The following AMY2B variants were observed in gnomAD, a reference collection of about 807,000 sequenced individuals.
The protein encoded by AMY2B is amylase alpha 2B.
AMY2B carries 63 observed loss-of-function variants against 59.3 expected under a neutral mutation model. The observed-to-expected ratio is 1.06, with a 90% CI of 0.87 to 1.31. The LOEUF is 1.31. AMY2B is among the 50% of genes most tolerant of loss of function. The pLI is 0.00. For missense variants in AMY2B, 635 were observed against 626.7 expected (o/e 1.01, Z -0.14); for synonymous variants, 180 against 198.1 (o/e 0.91, Z 0.77).
chr1:103,574,931 A>G (rs1049142368), intron 5 of AMY2B, among the ~76,000 whole-genome samples: 3 of 151,322 alleles, frequency 2.0e-5, no homozygotes, highest in Non-Finnish European at 4.4e-5. Context: ...AAAATCTTAT[A>G]TTTGTAATAT....
intron 7 of AMY2B, chr1:103,575,906 A>G (rs1360230053): frequency 1.1e-5 from 2 of 186,534 alleles, no homozygotes; most frequent in Non-Finnish European, 2.2e-5. Context: ...TTAAAACATC[A>G]TCTGCCCACA....
chr1:103,573,795 C>G lies in AMY2B; in HGVS notation c.601C>G (p.Leu201Val), dbSNP rs1303118914. 6.2e-7 allele frequency: 1 copy of G among 1,613,854 alleles called. No homozygotes were observed. Among genetic ancestry groups the G allele is most frequent in the Non-Finnish European group, 8.5e-7 (1 of 1,179,784 alleles). ...CAAGATTGCCGAATATATGAATCAT[C>G]TCATTGACATTGGTGTTGCAGGGTT... Reference protein sequence around the residue: ...RSKIAEYMNHLIDIGVAGFRL... With the variant: ...RSKIAEYMNHVIDIGVAGFRL... The change falls in exon 4 of 10, where the codon CTC becomes GTC. Residue 201 changes from leucine (L) to valine (V), a missense_variant. Coordinates refer to ENST00000684275, the MANE Select transcript of AMY2B (RefSeq NM_001387437.1).
intron 9 of AMY2B, among the ~76,000 whole-genome samples, chr1:103,578,280 G>A (rs1466610935): frequency 6.6e-6 from 1 of 152,070 alleles, no homozygotes; most frequent in Non-Finnish European, 1.5e-5. Context: ...GCTCTATGTA[G>A]TTTTTTGGTA....
rs775485072 is a variant in AMY2B at position 103,574,421 on chromosome 1, G to A, written c.878+28G>A. 14 of 1,609,658 alleles carry A rather than the reference G, an allele frequency of 8.7e-6. No homozygotes were observed. In the African/African-American group the frequency reaches 1.1e-4, roughly 12 times the overall value. On this transcript the variant is annotated intron_variant, in intron 5 of 9. Coordinates refer to ENST00000684275, the MANE Select transcript of AMY2B (RefSeq NM_001387437.1). ...AAATAAATACAACTTTTCCCCTGAA[G>A]TATTTCATAGATTTATTAGTCATAG...
intron 5 of AMY2B, 22 bp downstream of exon 5, chr1:103,574,415 C>T: frequency 6.2e-7 from 1 of 1,610,142 alleles, no homozygotes; most frequent in Non-Finnish European, 8.5e-7. Context: ...CAACTTTTCC[C>T]CTGAAGTATT....
At chr1:103,577,959 A>G (rs113763571) in intron 9 of AMY2B, 114 bp downstream of exon 9, 3 of 1,553,666 alleles carry the variant, frequency 1.9e-6, no homozygotes, top group Non-Finnish European at 2.6e-6. Flanking sequence ...TCAGTGGAGC[A>G]AGAAGACAAT....
At chr1:103,570,795 T>C, upstream of AMY2B, 1 of 459,684 alleles carries the variant, frequency 2.2e-6, no homozygotes, top group Admixed American at 2.5e-5. Context: ...CCTTAGAAAA[T>C]AAGTTGTCTT....
At chr1:103,575,623 T>C in intron 7 of AMY2B, 83 bp downstream of exon 7, 1 of 1,559,078 alleles carries the variant, frequency 6.4e-7, no homozygotes, top group Non-Finnish European at 8.7e-7. Flanking sequence ...CAACTATTAA[T>C]TATATATTCA....
intron 1 of AMY2B, among the ~76,000 whole-genome samples, chr1:103,561,256 T>C (rs908146506): frequency 6.6e-6 from 1 of 152,138 alleles, no homozygotes; most frequent in Non-Finnish European, 1.5e-5. Context: ...TGCATGGAGT[T>C]AATTTTTTTT....
Position 103,573,758 on chromosome 1 carries a change from T to A in AMY2B, c.564T>A (p.Asp188Glu), listed in dbSNP as rs1652231763. 2.5e-6 allele frequency: 4 copies of A among 1,613,798 alleles called. No homozygotes were observed. The highest frequency in any genetic ancestry group is 3.4e-6 in the Non-Finnish European group (4 of 1,179,758). The change falls in exon 4 of 10, where the codon GAT (aspartate) becomes GAA (glutamate). Residue 188 changes from aspartate (D) to glutamate (E), a missense_variant. Physicochemically the swap from Asp to Glu is conservative, Grantham distance 45 (BLOSUM62 2). Transcript: ENST00000684275. ...TTCTTGATCTTGCACTGGAGAAAGA[T>A]TATGTGCGTTCCAAGATTGCCGAAT... is the stretch of plus-strand genomic sequence containing the variant. ...VGLLDLALEKDYVRSKIAEYM... is the reference protein window; with the variant it reads ...VGLLDLALEKEYVRSKIAEYM...
At chr1:103,567,982 C>G (rs1651967352), upstream of AMY2B, among the ~76,000 whole-genome samples, 2 of 152,300 alleles carry the variant, frequency 1.3e-5, no homozygotes, top group Middle Eastern at 3.4e-3. Flanking sequence ...TAAGGGATGT[C>G]TTCCCTTACC....
rs1348370940 is a variant in AMY2B, at chr1:103,572,233, G to C, written c.292G>C (p.Val98Leu). 6.2e-7 allele frequency: 1 copy of C among 1,611,286 alleles called. No individual in the cohort carries two copies. The highest frequency in any genetic ancestry group is 1.3e-5 in the African/African-American group (1 of 74,832). Reference protein sequence around the residue: ...SGNEDEFRNMVTRCNNVGVRI... With the variant: ...SGNEDEFRNMLTRCNNVGVRI... ...AAATGAAGATGAATTTAGAAACATG[G>C]TGACTAGATGTAACAATGTTGGGGT... Residue 98 changes from valine to leucine, a missense_variant, in exon 2 of 10, where the codon GTG (valine) becomes CTG (leucine). Transcript: ENST00000684275.
At chr1:103,564,269 T>C (rs1426084914) in intron 1 of AMY2B, among the ~76,000 whole-genome samples, 1 of 152,136 alleles carries the variant, frequency 6.6e-6, no homozygotes, top group African/African-American at 2.4e-5. Context: ...TTATAGTTTG[T>C]CTTAACTCCT....
chr1:103,572,624 C>T (rs1388248861), intron 2 of AMY2B, among the ~76,000 whole-genome samples: 6 of 152,050 alleles, frequency 3.9e-5, no homozygotes, highest in East Asian at 1.9e-4. Flanking sequence ...CTGGGTTTTT[C>T]GTGGTGACTA....
chr1:103,573,803 C>T lies in AMY2B; in HGVS notation c.609C>T (p.Asp203=), dbSNP rs766283798. The change falls in exon 4 of 10, where the codon GAC becomes GAT. Residue 203 remains aspartate, a synonymous_variant. Coordinates refer to ENST00000684275, the MANE Select transcript of AMY2B (RefSeq NM_001387437.1). ...CCGAATATATGAATCATCTCATTGA[C>T]ATTGGTGTTGCAGGGTTCAGACTTG... The part of the protein sequence containing the change: ...KIAEYMNHLI[D]IGVAGFRLDA... The T allele has an allele frequency of 6.2e-7, 1 of 1,613,824 alleles. No individual in the cohort carries two copies. Among genetic ancestry groups the T allele is most frequent in the Non-Finnish European group, 8.5e-7 (1 of 1,179,780 alleles).
At chr1:103,577,671 C>G (rs749930014) in intron 8 of AMY2B, 49 bp from the exon 9 acceptor site, 1 of 1,611,762 alleles carries the variant, frequency 6.2e-7, no homozygotes, top group Non-Finnish European at 8.5e-7. Context: ...TTATTTAAAA[C>G]AGTTGAAGTT....
intron 5 of AMY2B, 126 bp downstream of exon 5, chr1:103,574,519 G>A: frequency 4.5e-6 from 7 of 1,548,990 alleles, no homozygotes; most frequent in African/African-American, 1.4e-5. Flanking sequence ...TTAATGATAA[G>A]TATTCTAGTG....
At position 103,554,790 on chromosome 1, in the gene AMY2B, TA is replaced by T. The variant is rs879076768; in HGVS notation, c.-525del. The stretch of plus-strand genomic sequence containing the variant: ...TGAAAACAATTGAAAATTCGGTTAT[TA>T]TCACCTTAAAAGTACAAAACCTATA... On this transcript the variant is annotated 5_prime_UTR_variant, in exon 1 of 12. Coordinates refer to the AMY2B transcript ENST00000361355. 5.9e-5 allele frequency: 9 copies of T among 152,758 alleles called. No individual in the cohort carries two copies. The South Asian group carries it at 1.9e-3, about 32-fold the overall frequency. 9.5% of individuals were successfully genotyped at this position (152,758 alleles called of 1,614,324 possible).
rs1652487900 is a variant in AMY2B at position 103,579,450 on chromosome 1, A to G, written c.1486A>G (p.Asn496Asp). 1 of 1,611,744 alleles carries G rather than the reference A, an allele frequency of 6.2e-7. No individual in the cohort carries two copies. The highest frequency in any genetic ancestry group is 8.5e-7 in the Non-Finnish European group (1 of 1,179,684). The change falls in exon 10 of 10, where the codon AAC (asparagine) becomes GAC (aspartate). Residue 496 changes from asparagine (N) to aspartate (D), a missense_variant. Asn to Asp is a conservative substitution (Grantham distance 23, BLOSUM62 1). Transcript: ENST00000684275. ...DDGKAHFSISNSAEDPFIAIH... is the reference protein window; with the variant it reads ...DDGKAHFSISDSAEDPFIAIH... ...TGGCAAAGCTCATTTTTCTATTAGT[A>G]ACTCTGCTGAGGATCCATTTATTGC...
Sources: allele counts gnomAD v4.1 joint callset (sites outside exome capture counted in the v4.1 genomes callset), GRCh38; gene constraint gnomAD v4.1.1; transcripts MANE v1.5; gene names NCBI Gene and HGNC (gene_info 2026-07-23, HGNC 2026-07-21).